The following RDH13 variants were observed in gnomAD, a reference collection of about 807,000 sequenced individuals.
RDH13 encodes the protein retinol dehydrogenase 13, also known as retinol dehydrogenase 13 (all-trans and 9-cis).
Under a neutral mutation model 28.3 loss-of-function variants are expected in RDH13, and 35 were observed. The observed-to-expected ratio is 1.24, with a 90% CI of 0.95 to 1.64. The LOEUF is 1.64. Among genes scored for constraint, RDH13 ranks in the 40% most tolerant of loss-of-function variants. The pLI, the probability that RDH13 is intolerant of heterozygous loss-of-function variation, is 0.00. For synonymous variants in RDH13, 229 were observed against 198.5 expected, an observed-to-expected ratio of 1.15 and a Z score of -1.29; for missense variants, 514 against 446.3, an observed-to-expected ratio of 1.15 and a Z score of -1.37.
chr19:55,044,703 A>C lies in RDH13; in HGVS notation c.*371T>G. 7.9e-6 allele frequency: 2 copies of C among 253,314 alleles called. No individual in the cohort carries two copies. The highest frequency in any genetic ancestry group is 1.5e-5 in the Non-Finnish European group (2 of 133,644). The allele number at this position is 253,314 out of a possible 1,614,324, so 15.7% of individuals were successfully genotyped here. A position where few individuals can be genotyped will look rare whatever the true frequency, so the allele number is the denominator to read the frequency against. On this transcript the variant is annotated 3_prime_UTR_variant, in exon 7 of 7. Coordinates refer to ENST00000415061, the MANE Select transcript of RDH13 (RefSeq NM_001145971.2). Reference sequence around the variant, plus strand: ...CCAAGAATCCACCAAGTGTCAGACAACTTGCCCATGCTCTTCACGGAGCAC... The same window carrying C: ...CCAAGAATCCACCAAGTGTCAGACACCTTGCCCATGCTCTTCACGGAGCAC...
intron 3 of RDH13, among the ~76,000 whole-genome samples, chr19:55,052,960 CTGAT>C (rs1337909477): frequency 7.6e-6 from 1 of 130,754 alleles, no homozygotes; most frequent in Non-Finnish European, 1.7e-5. Flanking sequence ...GCACGCCTGC[CTGAT>C]TGTTTTGTAT....
chr19:55,048,366 G>A lies in RDH13; in HGVS notation c.621C>T (p.Ile207=), dbSNP rs202206994. ...KAAYCQSKLA[I]VLFTKELSRR... ...GGCTCAGCTCCTTGGTGAAGAGGAC[G>A]ATGGCGAGCTTGCTCTGGCAGTAGG... Residue 207 remains isoleucine, a synonymous_variant, in exon 5 of 7, where the codon ATC becomes ATT. Transcript: ENST00000415061. 1,106 of 1,614,182 alleles carry A rather than the reference G, an allele frequency of 6.9e-4. 3 individuals are homozygous for A. The highest frequency in any genetic ancestry group is 3.5e-3 in the Middle Eastern group (21 of 6,062).
upstream of RDH13, among the ~76,000 whole-genome samples, chr19:55,065,189 G>A (rs1033044833): frequency 3.3e-4 from 50 of 151,094 alleles, 2 homozygotes; most frequent in Admixed American, 2.3e-3. Flanking sequence ...GTTTGAGAGC[G>A]GCCTGGACAA....
At chr19:55,058,261 G>C (rs958459437) in intron 2 of RDH13, among the ~76,000 whole-genome samples, 1 of 151,846 alleles carries the variant, frequency 6.6e-6, no homozygotes, top group African/African-American at 2.4e-5. Context: ...GGTGTTGCAT[G>C]CCTGTAATCC....
At chr19:55,048,600 G>T (rs1355446180) in intron 4 of RDH13, 59 bp from the exon 5 acceptor site, 2 of 1,610,628 alleles carry the variant, frequency 1.2e-6, no homozygotes, top group East Asian at 4.5e-5. Flanking sequence ...CCAGCACTTT[G>T]GGAGGACGAC....
At chr19:55,042,853 G>GCT (rs1326002346), downstream of RDH13, 1 of 152,300 alleles carries the variant, frequency 6.6e-6, no homozygotes, top group African/African-American at 2.4e-5. Flanking sequence ...ATGGCAGCCG[G>GCT]CTCCATCACC....
intron 5 of RDH13, chr19:55,047,960 A>G: frequency 9.9e-7 from 1 of 1,008,254 alleles, no homozygotes; most frequent in Non-Finnish European, 1.4e-6. Flanking sequence ...AGATGCCCAG[A>G]GCAATCTCTC....
intron 2 of RDH13, 46 bp downstream of exon 2, chr19:55,059,108 CATG>C: frequency 8.2e-7 from 1 of 1,213,532 alleles, no homozygotes; most frequent in South Asian, 1.3e-5. Context: ...CTGCAGTGAG[CATG>C]GATGTACAGA....
chr19:55,044,922 G>T lies in RDH13; in HGVS notation c.*152C>A. The T allele has an allele frequency of 1.6e-6, 1 of 612,918 alleles. No individual in the cohort carries two copies. The highest frequency in any genetic ancestry group is 2.9e-6 in the Non-Finnish European group (1 of 350,442). 38.0% of individuals were successfully genotyped at this position (612,918 alleles called of 1,614,324 possible). ...GTGCTCACCTGCAGGCCAGTCCACT[G>T]CGGCCAGCACCGCCCCCTAGAACCT... is the stretch of plus-strand genomic sequence containing the variant. On this transcript the variant is annotated 3_prime_UTR_variant, in exon 7 of 7. Coordinates refer to ENST00000415061, the MANE Select transcript of RDH13 (RefSeq NM_001145971.2).
intron 6 of RDH13, 21 bp downstream of exon 6, chr19:55,047,366 C>A: frequency 2.5e-6 from 4 of 1,607,826 alleles, no homozygotes; most frequent in Non-Finnish European, 3.4e-6. Flanking sequence ...CGTGGAGACC[C>A]CAGGCTGGGA....
chr19:55,062,924 G>C (rs1848550830), intron 1 of RDH13, 44 bp downstream of exon 1: 2 of 1,393,006 alleles, frequency 1.4e-6, no homozygotes, highest in Non-Finnish European at 1.9e-6. Flanking sequence ...CCCCTGCGCT[G>C]GGGGCCCGCC....
chr19:55,056,628 T>A, intron 3 of RDH13, 25 bp downstream of exon 3: 3 of 1,612,936 alleles, frequency 1.9e-6, no homozygotes, highest in Non-Finnish European at 2.5e-6. Flanking sequence ...CCAGTCCTCA[T>A]CCCACATGGC....
At chr19:55,064,668 C>T (rs1339826067), upstream of RDH13, among the ~76,000 whole-genome samples, 1 of 150,868 alleles carries the variant, frequency 6.6e-6, no homozygotes, top group East Asian at 2.0e-4. Flanking sequence ...GGCTGGAGAG[C>T]AGTGGGCGAT....
At chr19:55,047,115 G>A (rs1568686336) in intron 6 of RDH13, 3 of 1,374,158 alleles carry the variant, frequency 2.2e-6, no homozygotes, top group Admixed American at 3.1e-5. Context: ...CCTGAGTACA[G>A]CCTGACTCCA....
At chr19:55,041,546 A>G (rs79436281), downstream of RDH13, 1 of 143,324 alleles carries the variant, frequency 7.0e-6, no homozygotes, top group East Asian at 2.1e-4. Context: ...AAATGGTATT[A>G]TTCTTAGGGC....
At chr19:55,064,394 C>T (rs2147085386), upstream of RDH13, 1 of 149,860 alleles carries the variant, frequency 6.7e-6, no homozygotes, top group South Asian at 2.1e-4. Flanking sequence ...GCATTCCAGC[C>T]TGGCGACAGA....
At chr19:55,048,113 C>G in intron 5 of RDH13, 1 of 1,527,730 alleles carries the variant, frequency 6.5e-7, no homozygotes, top group Non-Finnish European at 8.8e-7. Flanking sequence ...TCCAGGCAGA[C>G]TAGACCACCT....
intron 3 of RDH13, 119 bp downstream of exon 3, chr19:55,056,534 C>G: frequency 1.5e-6 from 2 of 1,324,084 alleles, no homozygotes; most frequent in Non-Finnish European, 2.0e-6. Context: ...GACTTGGCCC[C>G]TAACTCATAG....
At chr19:55,060,052 C>A in intron 1 of RDH13, among the ~76,000 whole-genome samples, 1 of 152,118 alleles carries the variant, frequency 6.6e-6, no homozygotes, top group African/African-American at 2.4e-5. Context: ...AGGTTTCTCC[C>A]CGTGGGATAG....
Sources: gnomAD v4.1 joint callset for allele counts (sites outside exome capture counted in the v4.1 genomes callset) on GRCh38, gnomAD v4.1.1 for gene constraint, MANE v1.5 for transcripts, NCBI Gene and HGNC (gene_info 2026-07-23, HGNC 2026-07-21) for gene names.